SLC24A3: variants seen among roughly 807,000 people sequenced by gnomAD.
SLC24A3 encodes solute carrier family 24 member 3, also known as sodium/potassium/calcium exchanger 3.
In SLC24A3, 28 loss-of-function variants were observed where a neutral mutation model predicts 75.8. That is an observed-to-expected ratio of 0.37 (90% confidence interval 0.27 to 0.51). The LOEUF (loss-of-function observed/expected upper bound fraction) is 0.51. SLC24A3 is among the 20% of genes least tolerant of loss of function. The pLI is 0.94. For missense variants in SLC24A3, 663 were observed against 847.8 expected (o/e 0.78, Z 2.71); for synonymous variants, 372 against 334.1 (o/e 1.11, Z -1.24).
chr20:19,332,288 G>A (rs1408497974), intron 2 of SLC24A3, among the ~76,000 whole-genome samples: 4 of 152,238 alleles, frequency 2.6e-5, no homozygotes, highest in Non-Finnish European at 4.4e-5. Context: ...GTGGGCCACC[G>A]CTGTGGCCTC....
intron 2 of SLC24A3, among the ~76,000 whole-genome samples, chr20:19,351,681 G>T (rs951416326): frequency 1.3e-5 from 2 of 152,058 alleles, no homozygotes; most frequent in Non-Finnish European, 2.9e-5. Context: ...GTTTGGCTTT[G>T]TCAGCTCTCT....
chr20:19,583,110 G>A (rs1028259932), intron 4 of SLC24A3, among the ~76,000 whole-genome samples: 4 of 152,168 alleles, frequency 2.6e-5, no homozygotes, highest in African/African-American at 9.7e-5. Context: ...CCATCCCAGG[G>A]CTCCTAGCTG....
intron 2 of SLC24A3, among the ~76,000 whole-genome samples, chr20:19,474,718 AT>A (rs1365619546): frequency 1.3e-5 from 2 of 152,302 alleles, no homozygotes; most frequent in South Asian, 4.1e-4. Flanking sequence ...TCATGTTGGA[AT>A]TTTTTTGTGT....
intron 2 of SLC24A3, among the ~76,000 whole-genome samples, chr20:19,482,793 G>T (rs1439639537): frequency 6.6e-6 from 1 of 152,190 alleles, no homozygotes; most frequent in Non-Finnish European, 1.5e-5. Context: ...CTCCTCACTT[G>T]GTGGGATCTC....
intron 7 of SLC24A3, among the ~76,000 whole-genome samples, chr20:19,658,885 G>A (rs3790281): frequency 6.6e-6 from 1 of 152,084 alleles, no homozygotes; most frequent in Non-Finnish European, 1.5e-5. Context: ...GGGTATCTCC[G>A]GCCTCCCAGT....
At chr20:19,355,833 G>A (rs982976287) in intron 2 of SLC24A3, among the ~76,000 whole-genome samples, 3 of 152,202 alleles carry the variant, frequency 2.0e-5, no homozygotes, top group African/African-American at 7.2e-5. Context: ...GTAATGGGCT[G>A]TAAAATACCT....
chr20:19,375,207 G>A (rs1986062184), intron 2 of SLC24A3, among the ~76,000 whole-genome samples: 1 of 152,130 alleles, frequency 6.6e-6, no homozygotes, highest in African/African-American at 2.4e-5. Context: ...ACCAAATCCT[G>A]GCTTTTCTCA....
At chr20:19,583,235 G>A (rs1218372356) in intron 4 of SLC24A3, among the ~76,000 whole-genome samples, 1 of 152,194 alleles carries the variant, frequency 6.6e-6, no homozygotes, top group Non-Finnish European at 1.5e-5. Context: ...GCGAGGGACA[G>A]AGTTGGGAGG....
At chr20:19,714,977 G>C (rs1459688715) in intron 15 of SLC24A3, among the ~76,000 whole-genome samples, 2 of 152,236 alleles carry the variant, frequency 1.3e-5, no homozygotes, top group African/African-American at 2.4e-5. Context: ...AGGGCAAGCT[G>C]TGCTGGAAAT....
intron 15 of SLC24A3, among the ~76,000 whole-genome samples, chr20:19,701,295 A>C (rs1013631608): frequency 3.9e-5 from 6 of 152,156 alleles, no homozygotes; most frequent in African/African-American, 1.2e-4. Flanking sequence ...CTTCAGGTCC[A>C]GGCTGAGACA....
intron 15 of SLC24A3, among the ~76,000 whole-genome samples, chr20:19,707,081 C>A (rs776238024): frequency 2.6e-4 from 40 of 152,162 alleles, no homozygotes; most frequent in South Asian, 6.2e-4. Context: ...GAAGACACAT[C>A]ATGTTTTGCT....
intron 2 of SLC24A3, chr20:19,284,700 G>C (rs971898711): frequency 3.3e-5 from 5 of 152,336 alleles, no homozygotes; most frequent in Admixed American, 2.6e-4. Flanking sequence ...GGGCTTCTCA[G>C]ACTGTGCTGT....
rs115300113 is a variant in SLC24A3 at position 19,280,886 on chromosome 20, G to A, written c.143-73G>A. On this transcript the variant is annotated intron_variant, in intron 1 of 16. Transcript: ENST00000328041. ...GAACAAGTGATGGCTGATCAGGGCAGCGGGCATGCAGCGTCGGCAGAGGCT... is the reference window on the plus strand; with the variant it reads ...GAACAAGTGATGGCTGATCAGGGCAACGGGCATGCAGCGTCGGCAGAGGCT... 670 of 1,541,106 alleles carry A rather than the reference G, an allele frequency of 4.3e-4. 2 individuals carry two copies. The African/African-American group carries it at 8.1e-3, about 19-fold the overall frequency.
intron 2 of SLC24A3, among the ~76,000 whole-genome samples, chr20:19,430,742 A>G (rs140776591): frequency 1.7e-4 from 26 of 152,258 alleles, no homozygotes; most frequent in Non-Finnish European, 3.1e-4. Flanking sequence ...ATGCACAAGC[A>G]CAGCTAGGTA....
intron 1 of SLC24A3, among the ~76,000 whole-genome samples, chr20:19,220,067 A>G (rs1302259025): frequency 6.6e-6 from 1 of 152,236 alleles, no homozygotes; most frequent in African/African-American, 2.4e-5. Flanking sequence ...GGACCCATCC[A>G]TGGACCATGG....
intron 9 of SLC24A3, among the ~76,000 whole-genome samples, chr20:19,680,613 C>T (rs1223541903): frequency 6.6e-6 from 1 of 152,154 alleles, no homozygotes; most frequent in East Asian, 1.9e-4. Flanking sequence ...AAATGACACC[C>T]GTCACTTTGA....
At chr20:19,570,922 C>T (rs919450396) in intron 3 of SLC24A3, among the ~76,000 whole-genome samples, 2 of 151,908 alleles carry the variant, frequency 1.3e-5, no homozygotes, top group African/African-American at 2.4e-5. Flanking sequence ...GCTTATGGAC[C>T]CCAGGATAAG....
intron 1 of SLC24A3, among the ~76,000 whole-genome samples, chr20:19,252,065 C>A (rs976860063): frequency 1.3e-5 from 2 of 152,142 alleles, no homozygotes. Flanking sequence ...TGCAGCCCAG[C>A]AGCATGGATT....
At chr20:19,459,602 C>A (rs556316544) in intron 2 of SLC24A3, among the ~76,000 whole-genome samples, 1 of 152,282 alleles carries the variant, frequency 6.6e-6, no homozygotes, top group South Asian at 2.1e-4. Context: ...TACTATGGAA[C>A]CTTAGGGAGT....
Sources: gnomAD v4.1 joint callset for allele counts (sites outside exome capture counted in the v4.1 genomes callset) on GRCh38, gnomAD v4.1.1 for gene constraint, MANE v1.5 for transcripts, NCBI Gene and HGNC (gene_info 2026-07-23, HGNC 2026-07-21) for gene names.